TCF7L2: variants seen among roughly 807,000 people sequenced by gnomAD.
TCF7L2 encodes transcription factor 7-like 2.
In TCF7L2, 23 loss-of-function variants were observed where a neutral mutation model predicts 77.9. That is an observed-to-expected ratio of 0.30 (90% CI 0.21 to 0.42). The LOEUF is 0.42. TCF7L2 is among the 10% of genes least tolerant of loss of function. The pLI, the probability that TCF7L2 is intolerant of heterozygous loss-of-function variation, is 1.00. For missense variants in TCF7L2, 654 were observed against 793.1 expected, an observed-to-expected ratio of 0.82 and a Z score of 2.11; for synonymous variants, 413 against 340.2, an observed-to-expected ratio of 1.21 and a Z score of -2.36.
chr10:113,036,797 G>A (rs1187806287), intron 4 of TCF7L2, among the ~76,000 whole-genome samples: 2 of 151,996 alleles, frequency 1.3e-5, no homozygotes, highest in Non-Finnish European at 2.9e-5. Context: ...GTTTTTGTAG[G>A]CAATTCATAA....
At chr10:113,087,519 G>A (rs549692163) in intron 5 of TCF7L2, among the ~76,000 whole-genome samples, 65 of 152,314 alleles carry the variant, frequency 4.3e-4, no homozygotes, top group South Asian at 2.3e-3. Context: ...TGTAAAATTG[G>A]GCTGATCTTT....
intron 5 of TCF7L2, among the ~76,000 whole-genome samples, chr10:113,059,020 A>G (rs2055920428): frequency 6.6e-6 from 1 of 152,102 alleles, no homozygotes; most frequent in Non-Finnish European, 1.5e-5. Flanking sequence ...ACCGCCCCCC[A>G]TGCCCCAAAA....
intron 5 of TCF7L2, among the ~76,000 whole-genome samples, chr10:113,046,353 A>G (rs532547779): frequency 7.9e-5 from 12 of 152,172 alleles, no homozygotes; most frequent in African/African-American, 2.2e-4. Flanking sequence ...TTTGGTAGCT[A>G]TCTGTTTCCC....
Position 113,166,322 on chromosome 10 carries a change from A to C in TCF7L2, c.*350A>C. ...CTGATTAAAAAACAAAAAGAAAAAAAAAGCAATTTTGAAGCAGCCCTCCAG... is the reference window on the plus strand; with the variant it reads ...CTGATTAAAAAACAAAAAGAAAAAACAAGCAATTTTGAAGCAGCCCTCCAG... On this transcript the variant is annotated 3_prime_UTR_variant, in exon 14 of 14. Coordinates refer to ENST00000627217, the MANE Select transcript of TCF7L2 (RefSeq NM_001146274.2). 4.1e-6 allele frequency: 1 copy of C among 242,122 alleles called. No homozygotes were observed. The highest frequency in any genetic ancestry group is 8.0e-6 in the Non-Finnish European group (1 of 124,946). The allele number at this position is 242,122 out of a possible 1,614,324, so 15.0% of individuals were successfully genotyped here.
rs2072877443 is a variant in TCF7L2 at position 113,160,053 on chromosome 10, C to G, written c.1319-566C>G. ...GCAGCTGGTCTATTCGATCCTCTCC[C>G]CCTTCTCTGGCCTGTTGCTTTGTAG... On this transcript the variant is annotated intron_variant, in intron 12 of 13. Transcript: ENST00000627217. The G allele has an allele frequency of 2.0e-6, 3 of 1,478,164 alleles. No homozygotes were observed. In the Admixed American group the frequency reaches 5.0e-5, roughly 25 times the overall value. 91.6% of individuals were successfully genotyped at this position (1,478,164 alleles called of 1,614,324 possible).
chr10:113,079,940 G>T (rs1025077317), intron 5 of TCF7L2, among the ~76,000 whole-genome samples: 9 of 152,126 alleles, frequency 5.9e-5, no homozygotes, highest in African/African-American at 1.7e-4. Context: ...TTACAAGTGT[G>T]AGCACTGTGC....
intron 4 of TCF7L2, among the ~76,000 whole-genome samples, chr10:113,034,941 C>G (rs957725050): frequency 2.6e-5 from 4 of 151,912 alleles, no homozygotes; most frequent in Non-Finnish European, 2.9e-5. Flanking sequence ...TTTTTCTTTC[C>G]TTTTCCTTCC....
At chr10:113,055,284 G>T (rs2055190901) in intron 5 of TCF7L2, among the ~76,000 whole-genome samples, 1 of 152,182 alleles carries the variant, frequency 6.6e-6, no homozygotes, top group East Asian at 1.9e-4. Flanking sequence ...ACCAATGCTT[G>T]ATCCTGTTGG....
intron 5 of TCF7L2, among the ~76,000 whole-genome samples, chr10:113,078,645 T>C (rs1183743860): frequency 6.6e-6 from 1 of 152,122 alleles, no homozygotes; most frequent in Non-Finnish European, 1.5e-5. Flanking sequence ...AGTGCTGGGA[T>C]TACAGGCATG....
At chr10:113,098,429 G>A (rs1314821633) in intron 5 of TCF7L2, among the ~76,000 whole-genome samples, 1 of 152,016 alleles carries the variant, frequency 6.6e-6, no homozygotes, top group African/African-American at 2.4e-5. Flanking sequence ...ATTTTAGGCC[G>A]GGCTCGGTGG....
intron 5 of TCF7L2, among the ~76,000 whole-genome samples, chr10:113,100,383 A>G (rs964783472): frequency 1.3e-5 from 2 of 152,232 alleles, no homozygotes; most frequent in Admixed American, 6.5e-5. Flanking sequence ...TTTAGAAGGC[A>G]GAAGGCAGAA....
At chr10:113,034,961 T>C (rs1252180904) in intron 4 of TCF7L2, among the ~76,000 whole-genome samples, 1 of 151,820 alleles carries the variant, frequency 6.6e-6, no homozygotes, top group Non-Finnish European at 1.5e-5. Context: ...CCCTCTCCCC[T>C]CCCCTCCTTC....
At chr10:113,068,189 A>G (rs1351746149) in intron 5 of TCF7L2, among the ~76,000 whole-genome samples, 3 of 152,216 alleles carry the variant, frequency 2.0e-5, no homozygotes, top group Non-Finnish European at 4.4e-5. Flanking sequence ...TCTCCTTTCA[A>G]AAAAGTGGCT....
At chr10:113,150,884 G>A (rs1233193624) in intron 8 of TCF7L2, 114 bp from the exon 9 acceptor site, 48 of 1,404,444 alleles carry the variant, frequency 3.4e-5, no homozygotes, top group Non-Finnish European at 4.4e-5. Flanking sequence ...GCCTTGGGTT[G>A]CTTTCATGTG....
chr10:112,996,324 G>A (rs1490116953), intron 4 of TCF7L2, among the ~76,000 whole-genome samples: 1 of 152,220 alleles, frequency 6.6e-6, no homozygotes, highest in Non-Finnish European at 1.5e-5. Flanking sequence ...ATCAAGAAAA[G>A]ATGCTGCTTT....
intron 4 of TCF7L2, among the ~76,000 whole-genome samples, chr10:113,015,530 C>T (rs1334266280): frequency 2.0e-5 from 3 of 150,034 alleles, no homozygotes; most frequent in East Asian, 4.0e-4. Flanking sequence ...GTTCACTGCA[C>T]ACAGCTCACT....
At chr10:113,008,850 A>T (rs6585200) in intron 4 of TCF7L2, among the ~76,000 whole-genome samples, 10 of 151,898 alleles carry the variant, frequency 6.6e-5, no homozygotes, top group Non-Finnish European at 1.0e-4. Flanking sequence ...TCTGTTCCTA[A>T]GCTCAGGGAT....
At chr10:113,130,947 G>T (rs987899501) in intron 5 of TCF7L2, among the ~76,000 whole-genome samples, 3 of 151,872 alleles carry the variant, frequency 2.0e-5, no homozygotes, top group African/African-American at 7.3e-5. Context: ...TGTATTTTTA[G>T]TAGAGACGGG....
intron 5 of TCF7L2, among the ~76,000 whole-genome samples, chr10:113,115,679 G>A (rs145855185): frequency 6.6e-6 from 1 of 152,112 alleles, no homozygotes; most frequent in African/African-American, 2.4e-5. Context: ...AGCAGTGAAG[G>A]GTTTTTCTTT....
Sources: gnomAD v4.1 joint callset for allele counts (sites outside exome capture counted in the v4.1 genomes callset) on GRCh38, gnomAD v4.1.1 for gene constraint, MANE v1.5 for transcripts, NCBI Gene and HGNC (gene_info 2026-07-23, HGNC 2026-07-21) for gene names.